The following MRPL4 variants were observed in gnomAD, a reference collection of about 807,000 sequenced individuals.
MRPL4 encodes mitochondrial ribosomal protein L4.
Under a neutral mutation model 34.1 loss-of-function variants are expected in MRPL4, and 34 were observed. The ratio of observed to expected loss-of-function variants is 1.00; its 90% CI spans 0.76 to 1.33. The LOEUF (loss-of-function observed/expected upper bound fraction) is 1.33. MRPL4 is among the 40% of genes most tolerant of loss of function. The probability of loss-of-function intolerance (pLI) is 0.00; values close to 1 mark genes in which losing one functional copy is unlikely to be tolerated. For synonymous variants in MRPL4, 196 were observed against 188.3 expected (o/e 1.04, Z -0.33); for missense variants, 402 against 434.6 (o/e 0.92, Z 0.67).
At position 10,259,586 on chromosome 19, in the gene MRPL4, G is replaced by C. The variant is rs1380798665; in HGVS notation, c.740-31G>C. ...GAGAGAGGCAGCCCCGGCCTGACCG[G>C]CCCCCCGCCCCGCCCCCACCCCGCC... is the stretch of plus-strand genomic sequence containing the variant. On this transcript the variant is annotated intron_variant, in intron 8 of 8. Transcript: ENST00000253099. 7 of 1,462,342 alleles carry C rather than the reference G, an allele frequency of 4.8e-6. No individual in the cohort carries two copies. In the East Asian group the frequency reaches 1.6e-4, roughly 33 times the overall value. 90.6% of individuals were successfully genotyped at this position (1,462,342 alleles called of 1,614,324 possible). A position where few individuals can be genotyped will look rare whatever the true frequency, so the allele number is the denominator to read the frequency against.
At chr19:10,259,293 C>G in intron 8 of MRPL4, 1 of 1,379,434 alleles carries the variant, frequency 7.2e-7, no homozygotes. Flanking sequence ...AGGCCCTGCA[C>G]GATGTGCCCC....
Position 10,252,423 on chromosome 19 carries a change from A to T in MRPL4, c.84A>T (p.Ala28=), listed in dbSNP as rs756398407. 1.2e-6 allele frequency: 2 copies of T among 1,613,922 alleles called. No homozygotes were observed. Among genetic ancestry groups the T allele is most frequent in the Non-Finnish European group, 1.7e-6 (2 of 1,179,970 alleles). ...GCCTGAGTTCCCTGGCGGAAGAGGC[A>T]GCGCGTGCGACCGAGAACCCGGAGC... ...SQGLSSLAEE[A]ARATENPEQV... Residue 28 remains alanine, a synonymous_variant, in exon 2 of 9, where the codon GCA becomes GCT. Coordinates refer to ENST00000253099, the MANE Select transcript of MRPL4 (RefSeq NM_015956.3).
At position 10,252,427 on chromosome 19, in the gene MRPL4, C is replaced by T; in HGVS notation, c.88C>T (p.Arg30Cys). 6.2e-7 allele frequency: 1 copy of T among 1,614,058 alleles called. No homozygotes were observed. The highest frequency in any genetic ancestry group is 8.5e-7 in the Non-Finnish European group (1 of 1,179,978). Residue 30 changes from arginine (R) to cysteine (C), a missense_variant, in exon 2 of 9, where the codon CGT (arginine) becomes TGT (cysteine). By Grantham distance (180) the Arg-to-Cys change is radical. Coordinates refer to ENST00000253099, the MANE Select transcript of MRPL4 (RefSeq NM_015956.3). ...GAGTTCCCTGGCGGAAGAGGCAGCG[C>T]GTGCGACCGAGAACCCGGAGCAGGT... The part of the protein sequence containing the change: ...GLSSLAEEAA[R>C]ATENPEQVAS...
At position 10,252,250 on chromosome 19, in the gene MRPL4, G is replaced by C. The variant is rs368204298; in HGVS notation, c.-4G>C. The C allele has an allele frequency of 5.0e-6, 8 of 1,602,190 alleles. No individual in the cohort carries two copies. In the African/African-American group the frequency reaches 8.1e-5, roughly 16 times the overall value. Reference sequence around the variant, plus strand: ...CCTCCCGCGGCGTGGGAGGCTGCGCGGCGATGCTGCAGTTCGTCCGGGCCG... The same window carrying C: ...CCTCCCGCGGCGTGGGAGGCTGCGCCGCGATGCTGCAGTTCGTCCGGGCCG... On this transcript the variant is annotated 5_prime_UTR_variant, in exon 1 of 9. Transcript: ENST00000253099.
intron 8 of MRPL4, 100 bp downstream of exon 8, chr19:10,258,785 G>A: frequency 6.2e-7 from 1 of 1,609,684 alleles, no homozygotes; most frequent in Non-Finnish European, 8.5e-7. Context: ...GTGGCCTCAG[G>A]CAGTGACCAC....
rs762699083 is a variant in MRPL4, at chr19:10,256,782, G to A, written c.402G>A (p.Gly134=). 57 of 1,587,638 alleles carry A rather than the reference G, an allele frequency of 3.6e-5. No individual in the cohort carries two copies. The highest frequency in any genetic ancestry group is 4.7e-5 in the Non-Finnish European group (55 of 1,167,528). The change falls in exon 5 of 9, where the codon GGG becomes GGA. Residue 134 remains glycine (G), a synonymous_variant. Transcript: ENST00000253099. ...GRKPWPQKGT[G]RARHGSIRSP... The stretch of plus-strand genomic sequence containing the variant: ...AGCCTTGGCCGCAGAAAGGCACTGG[G>A]CGGGCCCGGCATGGCAGCATCCGCT...
intron 7 of MRPL4, 34 bp from the exon 8 acceptor site, chr19:10,258,575 G>C (rs745530078): frequency 6.2e-7 from 1 of 1,614,156 alleles, no homozygotes; most frequent in South Asian, 1.1e-5. Flanking sequence ...CGTACTCTGA[G>C]GGTTCAACCC....
In MRPL4 at chr19:10,259,845, C is replaced by T; in HGVS notation, c.*32C>T. The T allele has an allele frequency of 6.4e-7, 1 of 1,566,340 alleles. No individual in the cohort carries two copies. Among genetic ancestry groups the T allele is most frequent in the Non-Finnish European group, 8.7e-7 (1 of 1,148,318 alleles). ...GCACCTCTTCTGAGCCAGGCCGAGCCCCTGGCCGACTTGGGAGCCTCAGGC... is the reference window on the plus strand; with the variant it reads ...GCACCTCTTCTGAGCCAGGCCGAGCTCCTGGCCGACTTGGGAGCCTCAGGC... On this transcript the variant is annotated 3_prime_UTR_variant, in exon 9 of 9. Transcript: ENST00000253099.
intron 3 of MRPL4, among the ~76,000 whole-genome samples, chr19:10,253,651 C>T (rs540765799): frequency 2.0e-5 from 3 of 151,680 alleles, no homozygotes; most frequent in South Asian, 2.1e-4. Flanking sequence ...ATTAGCCGGA[C>T]GTCTTAGTGC....
Position 10,258,538 on chromosome 19 carries a change from AGAG to A in MRPL4, c.662+17_662+19del. The stretch of plus-strand genomic sequence containing the variant: ...TCGTGGACTTGTGAGGGCACAGGGC[AGAG>A]CAGGGGCAGGGGGCCCTGAGCTCCG... On this transcript the variant is annotated intron_variant, in intron 7 of 8. Coordinates refer to ENST00000253099, the MANE Select transcript of MRPL4 (RefSeq NM_015956.3). 6.2e-7 allele frequency: 1 copy of A among 1,614,112 alleles called. No homozygotes were observed. The highest frequency in any genetic ancestry group is 8.5e-7 in the Non-Finnish European group (1 of 1,180,008).
chr19:10,253,749 A>AGCG (rs2039822097), intron 3 of MRPL4, among the ~76,000 whole-genome samples: 1 of 151,710 alleles, frequency 6.6e-6, no homozygotes, highest in Non-Finnish European at 1.5e-5. Context: ...CCGTGATTAT[A>AGCG]CTACTGCACT....
intron 3 of MRPL4, 166 bp downstream of exon 3, chr19:10,252,867 G>C (rs1599249947): frequency 1.9e-6 from 2 of 1,048,344 alleles, no homozygotes; most frequent in East Asian, 5.3e-5. Flanking sequence ...CTGCTGTAGC[G>C]CTGTGTGAGA....
chr19:10,258,878 G>T, intron 8 of MRPL4, 193 bp downstream of exon 8: 2 of 1,493,570 alleles, frequency 1.3e-6, no homozygotes, highest in Non-Finnish European at 1.8e-6. Context: ...GCTCACGCTT[G>T]TAATCCCAGT....
chr19:10,258,773 G>C (rs2039878111), intron 8 of MRPL4, 88 bp downstream of exon 8: 1 of 1,611,478 alleles, frequency 6.2e-7, no homozygotes, highest in African/African-American at 1.3e-5. Context: ...TCTGGTCGCT[G>C]AGTGGCCTCA....
At chr19:10,255,462 T>G (rs1372322006) in intron 4 of MRPL4, 1 of 152,578 alleles carries the variant, frequency 6.6e-6, no homozygotes, top group Non-Finnish European at 1.5e-5. Flanking sequence ...CAACCTTGGG[T>G]CTACTGTAGA....
intron 8 of MRPL4, chr19:10,258,933 A>G: frequency 1.4e-6 from 2 of 1,426,524 alleles, no homozygotes; most frequent in Non-Finnish European, 1.8e-6. Flanking sequence ...TGAGGCTCCC[A>G]TCTGTACTAA....
chr19:10,259,896 T>C lies in MRPL4; in HGVS notation c.*83T>C. The C allele has an allele frequency of 7.9e-7, 1 of 1,258,942 alleles. No individual in the cohort carries two copies. The highest frequency in any genetic ancestry group is 1.5e-5 in the South Asian group (1 of 67,360). The allele number at this position is 1,258,942 out of a possible 1,614,324, so 78.0% of individuals were successfully genotyped here. A position where few individuals can be genotyped will look rare whatever the true frequency, so the allele number is the denominator to read the frequency against. ...CCACGCCCACCCTTCGAGGAAGGTG[T>C]CACCTGGACCCCTTCATTCCACGGA... On this transcript the variant is annotated 3_prime_UTR_variant, in exon 9 of 9. Transcript: ENST00000253099.
At chr19:10,256,016 G>T (rs532889645) in intron 4 of MRPL4, among the ~76,000 whole-genome samples, 1 of 152,202 alleles carries the variant, frequency 6.6e-6, no homozygotes, top group East Asian at 1.9e-4. Context: ...GGCCAGGTGC[G>T]GTGGCTCACA....
In MRPL4 at chr19:10,252,319, A is replaced by C. The variant is rs201850137; in HGVS notation, c.57+9A>C. ...GGCCTACCGGCAGCCAGGTGAGGCC[A>C]GGGGCTGGAGGCGTGGTCGAAGGAT... On this transcript the variant is annotated intron_variant, in intron 1 of 8. Transcript: ENST00000253099. 1 of 1,611,606 alleles carries C rather than the reference A, an allele frequency of 6.2e-7. No homozygotes were observed. Among genetic ancestry groups the C allele is most frequent in the Non-Finnish European group, 8.5e-7 (1 of 1,178,372 alleles).
Sources: allele counts gnomAD v4.1 joint callset (sites outside exome capture counted in the v4.1 genomes callset), GRCh38; gene constraint gnomAD v4.1.1; transcripts MANE v1.5; gene names NCBI Gene and HGNC (gene_info 2026-07-23, HGNC 2026-07-21).